Variants in SNTG1 observed in about 807,000 individuals in gnomAD.
The protein encoded by SNTG1 is gamma-1-syntrophin.
In SNTG1, 39 loss-of-function variants were observed where a neutral mutation model predicts 74.7. The observed-to-expected ratio is 0.52, with a 90% CI of 0.40 to 0.68. The LOEUF (loss-of-function observed/expected upper bound fraction) is 0.68, where lower values mean the gene tolerates loss of function less well. SNTG1 is among the 30% of genes least tolerant of loss of function. SNTG1 has a pLI of 0.00. For synonymous variants in SNTG1, 254 were observed against 217.1 expected (o/e 1.17, Z -1.49); for missense variants, 685 against 609.5 (o/e 1.12, Z -1.30).
intron 14 of SNTG1, among the ~76,000 whole-genome samples, 163 bp downstream of exon 14, chr8:50,657,188 G>A (rs1047736126): frequency 6.6e-6 from 1 of 152,060 alleles, no homozygotes; most frequent in East Asian, 1.9e-4. Context: ...TATATATTCT[G>A]ACATTAAACA....
chr8:50,284,047 C>T (rs2088623549), intron 2 of SNTG1, among the ~76,000 whole-genome samples: 1 of 152,130 alleles, frequency 6.6e-6, no homozygotes, highest in South Asian at 2.1e-4. Flanking sequence ...GTCCACGATG[C>T]CTTCCAGGAT....
chr8:49,921,072 A>C (rs1291929214), intron 1 of SNTG1, among the ~76,000 whole-genome samples: 1 of 152,108 alleles, frequency 6.6e-6, no homozygotes, highest in Non-Finnish European at 1.5e-5. Context: ...TAATTTTAGA[A>C]AGAGGGTAAA....
At chr8:50,678,081 T>G (rs1258040058) in intron 15 of SNTG1, among the ~76,000 whole-genome samples, 1 of 151,626 alleles carries the variant, frequency 6.6e-6, no homozygotes, top group Admixed American at 6.6e-5. Context: ...TTTCTGCACA[T>G]GTATCCCGGA....
chr8:50,528,867 T>G (rs2094243462), intron 9 of SNTG1, among the ~76,000 whole-genome samples: 1 of 151,682 alleles, frequency 6.6e-6, no homozygotes, highest in Admixed American at 6.6e-5. Context: ...ATATTTGCCT[T>G]AATTAATTTT....
chr8:50,375,196 T>A (rs973230045), intron 2 of SNTG1, among the ~76,000 whole-genome samples: 2 of 152,084 alleles, frequency 1.3e-5, no homozygotes, highest in Admixed American at 6.6e-5. Flanking sequence ...TAAAATGAGA[T>A]GTTTGCATTA....
At chr8:50,573,753 T>A (rs2094561669) in intron 12 of SNTG1, among the ~76,000 whole-genome samples, 1 of 151,886 alleles carries the variant, frequency 6.6e-6, no homozygotes, top group Non-Finnish European at 1.5e-5. Flanking sequence ...ACTCAAATTT[T>A]AAAATCATAG....
intron 2 of SNTG1, among the ~76,000 whole-genome samples, chr8:50,386,250 G>A (rs1005107104): frequency 6.6e-6 from 1 of 152,082 alleles, no homozygotes. Flanking sequence ...CTAAAACTCC[G>A]CTGGTTACTT....
At chr8:50,024,730 G>A (rs1050359478) in intron 1 of SNTG1, among the ~76,000 whole-genome samples, 3 of 152,056 alleles carry the variant, frequency 2.0e-5, no homozygotes, top group Admixed American at 6.6e-5. Flanking sequence ...GTTAGTGAAC[G>A]TTGTCTCTCT....
intron 2 of SNTG1, among the ~76,000 whole-genome samples, chr8:50,186,356 G>T (rs2083384353): frequency 6.6e-6 from 1 of 151,984 alleles, no homozygotes; most frequent in Non-Finnish European, 1.5e-5. Context: ...ATTCCTTTGG[G>T]TATATACTCA....
chr8:50,731,581 C>T (rs2095513098), intron 17 of SNTG1, among the ~76,000 whole-genome samples: 3 of 152,070 alleles, frequency 2.0e-5, no homozygotes. Context: ...TCCCACTCTA[C>T]ACGTACTTCT....
chr8:49,992,351 C>T (rs373606867), intron 1 of SNTG1, among the ~76,000 whole-genome samples: 1 of 152,098 alleles, frequency 6.6e-6, no homozygotes, highest in East Asian at 1.9e-4. Context: ...GCAGGTCCAC[C>T]ACCGGGCACT....
At chr8:50,323,068 A>T (rs1350076695) in intron 2 of SNTG1, among the ~76,000 whole-genome samples, 2 of 150,154 alleles carry the variant, frequency 1.3e-5, no homozygotes, top group Admixed American at 1.3e-4. Flanking sequence ...AGATTGCACC[A>T]CTGCACTCCA....
chr8:50,569,455 A>G (rs549599509), intron 12 of SNTG1, among the ~76,000 whole-genome samples: 2 of 152,156 alleles, frequency 1.3e-5, no homozygotes, highest in South Asian at 4.2e-4. Flanking sequence ...CTGCTGTACT[A>G]CCACTTGCAA....
At chr8:50,764,274 G>T (rs1002937080) in intron 18 of SNTG1, among the ~76,000 whole-genome samples, 1 of 151,728 alleles carries the variant, frequency 6.6e-6, no homozygotes, top group African/African-American at 2.4e-5. Context: ...AAACAAACAG[G>T]ATTATATCAA....
chr8:50,707,853 T>G lies in SNTG1; in HGVS notation c.1192-1033T>G, dbSNP rs894108715. On this transcript the variant is annotated intron_variant, in intron 16 of 18. Coordinates refer to ENST00000642720, the MANE Select transcript of SNTG1 (RefSeq NM_018967.5). The stretch of plus-strand genomic sequence containing the variant: ...CATGTCGTATATAAACCTTAAGTTT[T>G]TATTTCATATTTGATTTATATCCTG... 2.1e-5 allele frequency: 8 copies of G among 386,026 alleles called. No homozygotes were observed. The Admixed American group carries it at 3.6e-4, about 17-fold the overall frequency. The allele number at this position is 386,026 out of a possible 1,614,324, so 23.9% of individuals were successfully genotyped here.
At chr8:50,475,266 A>G (rs1312807046) in intron 8 of SNTG1, among the ~76,000 whole-genome samples, 3 of 151,752 alleles carry the variant, frequency 2.0e-5, no homozygotes, top group Non-Finnish European at 4.4e-5. Context: ...ATGCAGTGGC[A>G]AAAAAAGAAA....
At chr8:49,987,886 G>A (rs370962068) in intron 1 of SNTG1, among the ~76,000 whole-genome samples, 3 of 152,070 alleles carry the variant, frequency 2.0e-5, no homozygotes, top group African/African-American at 7.2e-5. Context: ...CTGACCTCGC[G>A]ATCTGCCCAC....
intron 18 of SNTG1, among the ~76,000 whole-genome samples, chr8:50,765,764 A>G (rs1451573778): frequency 6.6e-6 from 1 of 152,098 alleles, no homozygotes. Context: ...TAAAATTATC[A>G]TGTGGCTCTT....
chr8:50,044,307 T>C (rs1818892161), intron 1 of SNTG1, among the ~76,000 whole-genome samples: 1 of 152,188 alleles, frequency 6.6e-6, no homozygotes, highest in Non-Finnish European at 1.5e-5. Flanking sequence ...GACCAACCTT[T>C]TTACCTAAGA....
Sources: allele counts gnomAD v4.1 joint callset (sites outside exome capture counted in the v4.1 genomes callset), GRCh38; gene constraint gnomAD v4.1.1; transcripts MANE v1.5; gene names NCBI Gene and HGNC (gene_info 2026-07-23, HGNC 2026-07-21).